The following PCCA variants were observed in gnomAD, a reference collection of about 807,000 sequenced individuals.
The protein encoded by PCCA is propionyl-CoA carboxylase alpha chain, mitochondrial.
PCCA carries 74 observed loss-of-function variants against 101.3 expected under a neutral mutation model. That is an observed-to-expected ratio of 0.73 (90% CI 0.61 to 0.89). PCCA has a LOEUF of 0.89. Among genes scored for constraint, PCCA ranks in the 40% least tolerant of loss-of-function variants. PCCA has a pLI of 0.00. For missense variants in PCCA, 891 were observed against 907.0 expected (o/e 0.98, Z 0.23); for synonymous variants, 294 against 313.6 (o/e 0.94, Z 0.66).
chr13:100,506,813 T>C (rs990125255), intron 21 of PCCA, among the ~76,000 whole-genome samples: 3 of 152,206 alleles, frequency 2.0e-5, no homozygotes, highest in Non-Finnish European at 2.9e-5. Flanking sequence ...CGTCGTGAAA[T>C]GGTACACTTC....
intron 19 of PCCA, among the ~76,000 whole-genome samples, chr13:100,378,475 C>T (rs1183005132): frequency 2.0e-5 from 3 of 152,200 alleles, no homozygotes. Context: ...CTGTATCTCT[C>T]ACTAGACTTG....
intron 21 of PCCA, among the ~76,000 whole-genome samples, chr13:100,483,270 G>A (rs1343180101): frequency 1.3e-5 from 2 of 151,798 alleles, no homozygotes; most frequent in African/African-American, 2.4e-5. Context: ...AAAAAAAGGA[G>A]CTGGGCTTAA....
At chr13:100,168,728 G>A (rs2055314668) in intron 6 of PCCA, among the ~76,000 whole-genome samples, 1 of 152,086 alleles carries the variant, frequency 6.6e-6, no homozygotes, top group Non-Finnish European at 1.5e-5. Context: ...TCCCTTCCCT[G>A]TGAGTCTCAG....
chr13:100,386,295 G>C (rs1420616549), intron 19 of PCCA, among the ~76,000 whole-genome samples: 1 of 152,198 alleles, frequency 6.6e-6, no homozygotes, highest in East Asian at 1.9e-4. Context: ...TGTCAGACTG[G>C]AATAGTTAAA....
At chr13:100,321,642 A>T (rs2068056389) in intron 16 of PCCA, among the ~76,000 whole-genome samples, 2 of 143,988 alleles carry the variant, frequency 1.4e-5, no homozygotes, top group African/African-American at 5.2e-5. Context: ...TGTGTACATA[A>T]AGCAATCTAT....
intron 7 of PCCA, among the ~76,000 whole-genome samples, chr13:100,231,782 A>G (rs1224508897): frequency 6.6e-6 from 1 of 151,858 alleles, no homozygotes; most frequent in African/African-American, 2.4e-5. Context: ...ATGTTGCTTA[A>G]GTCAGTACAG....
rs528105413 is a variant in PCCA at position 100,322,337 on chromosome 13, CA to C, written c.1430-8222del. On this transcript the variant is annotated intron_variant, in intron 16 of 23. Coordinates refer to ENST00000376285, the MANE Select transcript of PCCA (RefSeq NM_000282.4). Reference sequence around the variant, plus strand: ...GGAATTAGTTTGTCATGCCTACCTACAAGCTAGATGGGAAAGTGGAGTCTGT... The same window carrying C: ...GGAATTAGTTTGTCATGCCTACCTACAGCTAGATGGGAAAGTGGAGTCTGT... Among the ~76,000 whole-genome samples the C allele has an allele frequency of 2.9e-3, 439 of 152,248 alleles. 1 individual carries two copies. The highest frequency in any genetic ancestry group is 0.01 in the African/African-American group (420 of 41,542).
intron 7 of PCCA, 21 bp downstream of exon 7, chr13:100,209,484 T>G (rs1243512066): frequency 6.3e-7 from 1 of 1,599,138 alleles, no homozygotes; most frequent in Admixed American, 1.7e-5. Context: ...ACTTTAACTT[T>G]TATTGTATAT....
intron 12 of PCCA, among the ~76,000 whole-genome samples, chr13:100,282,221 G>A (rs2064177770): frequency 6.6e-6 from 1 of 152,348 alleles, no homozygotes; most frequent in African/African-American, 2.4e-5. Flanking sequence ...TATTTTCATA[G>A]GGCTACAGGG....
chr13:100,111,859 G>A lies in PCCA; in HGVS notation c.202G>A (p.Val68Ile), dbSNP rs768750176. ...PNEKTFDKIL[V>I]ANRGEIACRV... ...TCTTCAGACTTTTGATAAAATTCTT[G>A]TTGCTAATAGAGGAGAAATTGCATG... The change falls in exon 3 of 24, where the codon GTT becomes ATT. Residue 68 changes from valine (V) to isoleucine (I), a missense_variant. By Grantham distance (29) the Val-to-Ile change is conservative (BLOSUM62 3). Transcript: ENST00000376285. 8 of 1,609,072 alleles carry A rather than the reference G, an allele frequency of 5.0e-6. No homozygotes were observed. The highest frequency in any genetic ancestry group is 4.5e-5 in the East Asian group (2 of 44,742).
intron 19 of PCCA, among the ~76,000 whole-genome samples, chr13:100,403,565 A>T (rs2077494753): frequency 6.6e-6 from 1 of 152,128 alleles, no homozygotes; most frequent in Non-Finnish European, 1.5e-5. Flanking sequence ...GATTTCACTA[A>T]GGAGATGGCC....
At chr13:100,475,627 C>T (rs188434151) in intron 21 of PCCA, among the ~76,000 whole-genome samples, 4 of 151,982 alleles carry the variant, frequency 2.6e-5, no homozygotes, top group Admixed American at 1.3e-4. Flanking sequence ...GTTTTTGGGG[C>T]GACAAGGTTT....
intron 19 of PCCA, among the ~76,000 whole-genome samples, chr13:100,420,908 T>C (rs146945965): frequency 2.6e-5 from 4 of 152,232 alleles, no homozygotes; most frequent in African/African-American, 9.6e-5. Flanking sequence ...CACACTTCAC[T>C]TGAAAAAAAA....
chr13:100,445,020 A>G (rs552391209), intron 20 of PCCA, among the ~76,000 whole-genome samples: 1 of 152,292 alleles, frequency 6.6e-6, no homozygotes, highest in South Asian at 2.1e-4. Flanking sequence ...GATGTCTGGA[A>G]AAGTTGAGGA....
chr13:100,430,757 G>T (rs1263620767), intron 20 of PCCA, among the ~76,000 whole-genome samples: 1 of 152,178 alleles, frequency 6.6e-6, no homozygotes, highest in Non-Finnish European at 1.5e-5. Context: ...ATGCTGTGGG[G>T]CCTGTGCTTT....
At chr13:100,499,745 C>T (rs992817338) in intron 21 of PCCA, among the ~76,000 whole-genome samples, 2 of 152,248 alleles carry the variant, frequency 1.3e-5, no homozygotes, top group African/African-American at 2.4e-5. Context: ...ACTTTGCATA[C>T]ATCTGAATGT....
chr13:100,488,620 GTTTT>G (rs1370836335), intron 21 of PCCA, among the ~76,000 whole-genome samples: 1 of 121,670 alleles, frequency 8.2e-6, no homozygotes, highest in African/African-American at 3.2e-5. Context: ...TACAAGTTTT[GTTTT>G]TTTGTTTTGT....
chr13:100,238,829 A>G (rs1023257001), intron 8 of PCCA, among the ~76,000 whole-genome samples: 5 of 152,208 alleles, frequency 3.3e-5, no homozygotes, highest in African/African-American at 1.2e-4. Flanking sequence ...TTTAACTATG[A>G]TTATGATTCC....
intron 10 of PCCA, among the ~76,000 whole-genome samples, chr13:100,267,233 AAG>A (rs1233629398): frequency 6.6e-6 from 1 of 152,206 alleles, no homozygotes; most frequent in Non-Finnish European, 1.5e-5. Flanking sequence ...AGAATTTAAA[AAG>A]AGGTTGAGAG....
Sources: allele counts gnomAD v4.1 joint callset (sites outside exome capture counted in the v4.1 genomes callset), GRCh38; gene constraint gnomAD v4.1.1; transcripts MANE v1.5; gene names NCBI Gene and HGNC (gene_info 2026-07-23, HGNC 2026-07-21).